The following ELF4 variants were observed in gnomAD, a reference collection of about 807,000 sequenced individuals.
ELF4 encodes the protein ETS-related transcription factor Elf-4.
Under a neutral mutation model 31.7 loss-of-function variants are expected in ELF4, and 10 were observed. The observed-to-expected ratio is 0.32, with a 90% CI of 0.19 to 0.54. The LOEUF (loss-of-function observed/expected upper bound fraction) is 0.54, where lower values mean the gene tolerates loss of function less well. Among genes scored for constraint, ELF4 ranks in the 20% least tolerant of loss-of-function variants. The pLI, the probability that ELF4 is intolerant of heterozygous loss-of-function variation, is 0.95. For missense variants in ELF4, 418 were observed against 522.0 expected, an observed-to-expected ratio of 0.80 and a Z score of 1.94; for synonymous variants, 208 against 226.7, an observed-to-expected ratio of 0.92 and a Z score of 0.74.
At chrX:130,084,734 C>G (rs1414778051) in intron 1 of ELF4, among the ~76,000 whole-genome samples, 1 of 111,809 alleles carries the variant, frequency 8.9e-6, no homozygotes, top group African/African-American at 3.3e-5. Flanking sequence ...CAGAAAGTTT[C>G]CCCCTCCCCC....
At chrX:130,101,801 A>AAAAAAAAAAC (rs1933264335) in intron 1 of ELF4, among the ~76,000 whole-genome samples, 1 of 97,339 alleles carries the variant, frequency 1.0e-5, no homozygotes, top group African/African-American at 4.2e-5. Context: ...CTCCGTCTCA[A>AAAAAAAAAAC]AAAACAAAAC....
rs757953880 is a variant in ELF4, at chrX:130,072,350, A to G, written c.408T>C (p.Phe136=). The stretch of plus-strand genomic sequence containing the variant: ...TCAGGGCATCGGGCTCAGAGGCAGG[A>G]AACAGGTAGTTGGGCAGAGTGACAG... The part of the protein sequence containing the change: ...APAVTLPNYL[F]PASEPDALNR... The change falls in exon 5 of 9, where the codon TTT becomes TTC. Residue 136 remains phenylalanine, a synonymous_variant. Coordinates refer to ENST00000308167, the MANE Select transcript of ELF4 (RefSeq NM_001421.4). 1.6e-6 allele frequency: 2 copies of G among 1,212,368 alleles called. No homozygotes were observed. Among genetic ancestry groups the G allele is most frequent in the South Asian group, 1.8e-5 (1 of 57,044 alleles).
At chrX:130,098,256 T>TAAA (rs1933186026) in intron 1 of ELF4, among the ~76,000 whole-genome samples, 4 of 111,333 alleles carry the variant, frequency 3.6e-5, no homozygotes, top group Non-Finnish European at 5.7e-5. Flanking sequence ...TGCGTTCTTT[T>TAAA]TAAATTGTAC....
chrX:130,105,932 C>A (rs1269827758), intron 1 of ELF4, among the ~76,000 whole-genome samples: 1 of 106,954 alleles, frequency 9.3e-6, no homozygotes, highest in South Asian at 4.2e-4. Context: ...AACGAAATCC[C>A]CTCAGCTTGG....
intron 1 of ELF4, among the ~76,000 whole-genome samples, chrX:130,107,974 G>A (rs779206667): frequency 8.9e-6 from 1 of 112,202 alleles, no homozygotes; most frequent in South Asian, 3.6e-4. Context: ...TTTGGGAGGC[G>A]GAGGCGGGTG....
chrX:130,078,336 A>AT (rs111780486), intron 2 of ELF4, among the ~76,000 whole-genome samples: 1 of 105,749 alleles, frequency 9.5e-6, no homozygotes. Flanking sequence ...GTGAGCCACC[A>AT]GCCTGACCGG....
At chrX:130,107,509 T>A (rs1339702473) in intron 1 of ELF4, among the ~76,000 whole-genome samples, 1 of 110,710 alleles carries the variant, frequency 9.0e-6, no homozygotes, top group Non-Finnish European at 1.9e-5. Context: ...AGATGACATA[T>A]CCCCTCTCCC....
rs146829704 is a variant in ELF4, at chrX:130,068,217, G to C, written c.1188-692C>G. 3.7e-3 allele frequency among the ~76,000 whole-genome samples: 410 copies of C among 112,299 alleles called. 1 individual carries two copies. The highest frequency in any genetic ancestry group is 0.012 in the African/African-American group (385 of 30,946). ...CAATCCTGAAAACAGCCCACAAGTG[G>C]GATAAGAACAATCTGATTTTACAGC... On this transcript the variant is annotated intron_variant, in intron 8 of 8. Coordinates refer to ENST00000308167, the MANE Select transcript of ELF4 (RefSeq NM_001421.4).
intron 1 of ELF4, among the ~76,000 whole-genome samples, chrX:130,082,964 G>A (rs745420770): frequency 9.0e-6 from 1 of 110,576 alleles, no homozygotes; most frequent in East Asian, 2.9e-4. Context: ...TCAGAGAGGG[G>A]CAAAGGGGAG....
chrX:130,083,032 C>T (rs1472778563), intron 1 of ELF4, among the ~76,000 whole-genome samples: 1 of 110,771 alleles, frequency 9.0e-6, no homozygotes, highest in African/African-American at 3.3e-5. Flanking sequence ...ACAGGAGACA[C>T]CCAGGCCTCT....
At chrX:130,107,051 G>A (rs1396119570) in intron 1 of ELF4, among the ~76,000 whole-genome samples, 1 of 112,041 alleles carries the variant, frequency 8.9e-6, no homozygotes, top group Non-Finnish European at 1.9e-5. Flanking sequence ...CAAGACGGGC[G>A]GATCACCTGA....
At chrX:130,076,694 G>C (rs1172563041) in intron 2 of ELF4, among the ~76,000 whole-genome samples, 2 of 112,301 alleles carry the variant, frequency 1.8e-5, no homozygotes, top group Non-Finnish European at 3.8e-5. Context: ...GCCTCCCAAA[G>C]TGCTGAGATT....
At chrX:130,072,503 AG>A (rs1932797777) in intron 4 of ELF4, 86 bp from the exon 5 acceptor site, 1 of 1,001,791 alleles carries the variant, frequency 1.0e-6, no homozygotes, top group African/African-American at 1.9e-5. Flanking sequence ...GTAGGTTCCA[AG>A]GGAGGGCGGG....
In ELF4 at chrX:130,081,424, G is replaced by T; in HGVS notation, c.-94C>A. 1 of 910,064 alleles carries T rather than the reference G, an allele frequency of 1.1e-6. No individual in the cohort carries two copies. The highest frequency in any genetic ancestry group is 1.6e-6 in the Non-Finnish European group (1 of 625,650). The allele number at this position is 910,064 out of a possible 1,213,427, so 75.0% of individuals were successfully genotyped here. On this transcript the variant is annotated 5_prime_UTR_variant, in exon 2 of 9. Transcript: ENST00000308167. ...AGGGACAATACCCAGGTACTTTGGA[G>T]CCTAGAGCCTACCCCCTGAGCTGCA...
Position 130,071,391 on chromosome X carries a change from G to A in ELF4, c.561C>T (p.Thr187=), listed in dbSNP as rs1932786499. The A allele has an allele frequency of 1.7e-6, 2 of 1,211,809 alleles. No individual in the cohort carries two copies. The highest frequency in any genetic ancestry group is 2.2e-6 in the Non-Finnish European group (2 of 895,521). Residue 187 remains threonine (T), a synonymous_variant, in exon 6 of 9, where the codon ACC becomes ACT. Transcript: ENST00000308167. ...RIRKTKGNRS[T]SPVTDPSIPI... is the part of the protein sequence containing the mutation. ...GGATGCTGGGGTCAGTGACAGGTGA[G>A]GTACTTCGGTTGCCCTTGGTCTTCC...
chrX:130,079,264 C>G (rs1051512729), intron 2 of ELF4, among the ~76,000 whole-genome samples: 3 of 110,446 alleles, frequency 2.7e-5, no homozygotes. Flanking sequence ...TCGAGACCAG[C>G]CTGCCCAACA....
In ELF4 at chrX:130,067,400, G is replaced by A. The variant is rs149799665; in HGVS notation, c.1313C>T (p.Ala438Val). Residue 438 changes from alanine to valine, a missense_variant, in exon 9 of 9, where the codon GCT (alanine) becomes GTT (valine). Physicochemically the swap from Ala to Val is moderately conservative, Grantham distance 64. Coordinates refer to ENST00000308167, the MANE Select transcript of ELF4 (RefSeq NM_001421.4). ...ACTCTGGAGAACGAGCTGAGTGGGA[G>A]CAGTAGTACTGGCAGGAGGCCCATT... ...LTNGPPASTT[A>V]PTQLVLQSVP... The A allele has an allele frequency of 5.8e-6, 7 of 1,212,355 alleles. No individual in the cohort carries two copies. The highest frequency in any genetic ancestry group is 7.8e-6 in the Non-Finnish European group (7 of 895,651).
intron 1 of ELF4, among the ~76,000 whole-genome samples, chrX:130,084,827 A>AC (rs377114633): frequency 7.6e-4 from 72 of 95,067 alleles, no homozygotes; most frequent in African/African-American, 2.6e-3. Context: ...AGAGGAGTGA[A>AC]CCCCCCCTTC....
chrX:130,102,147 A>G (rs746653786), intron 1 of ELF4, among the ~76,000 whole-genome samples: 57 of 113,001 alleles, frequency 5.0e-4, no homozygotes, highest in African/African-American at 1.7e-3. Flanking sequence ...ACTCCATCTC[A>G]AAATAAAATA....
Sources: gnomAD v4.1 joint callset for allele counts (sites outside exome capture counted in the v4.1 genomes callset) on GRCh38, gnomAD v4.1.1 for gene constraint, MANE v1.5 for transcripts, NCBI Gene and HGNC (gene_info 2026-07-23, HGNC 2026-07-21) for gene names.